Variants in HLA-DQA1 observed in about 807,000 individuals in gnomAD.
HLA-DQA1 encodes the protein major histocompatibility complex, class II, DQ alpha 1.
Under a neutral mutation model 20.7 loss-of-function variants are expected in HLA-DQA1, and 10 were observed. The observed-to-expected ratio is 0.48, with a 90% CI of 0.30 to 0.82. The LOEUF is 0.82. Among genes scored for constraint, HLA-DQA1 ranks in the 40% least tolerant of loss-of-function variants. The probability of loss-of-function intolerance (pLI) is 0.07; values close to 1 mark genes in which losing one functional copy is unlikely to be tolerated. For missense variants in HLA-DQA1, 127 were observed against 293.0 expected (o/e 0.43, Z 4.14); for synonymous variants, 39 against 109.2 (o/e 0.36, Z 4.01).
At chr6:32,646,836 T>A (rs1325644489), downstream of HLA-DQA1, 1 of 56,122 alleles carries the variant, frequency 1.8e-5, no homozygotes, top group African/African-American at 6.3e-5. Flanking sequence ...TTCTACTAGA[T>A]AAACAACTCC....
At chr6:32,652,726 G>A in the HLA-DQA1 span, among the ~76,000 whole-genome samples, 2 of 101,520 alleles carry the variant, frequency 2.0e-5, no homozygotes, top group African/African-American at 6.7e-5. Flanking sequence ...GGAAAGGAAG[G>A]GTAACAATGT....
At chr6:32,648,070 G>C (rs1336092292), downstream of HLA-DQA1, among the ~76,000 whole-genome samples, 1 of 125,424 alleles carries the variant, frequency 8.0e-6, no homozygotes, top group Non-Finnish European at 1.8e-5. Context: ...GGGGCGTTTA[G>C]AGATGGCTTG....
At chr6:32,653,263 TTTG>T in the HLA-DQA1 span, among the ~76,000 whole-genome samples, 2 of 34,798 alleles carry the variant, frequency 5.7e-5, no homozygotes, top group Non-Finnish European at 1.4e-4. Flanking sequence ...TAAATGTATG[TTTG>T]TTGTTGTTGT....
At chr6:32,639,531 A>G (rs1581977319) in intron 1 of HLA-DQA1, 1 of 93,352 alleles carries the variant, frequency 1.1e-5, no homozygotes, top group Non-Finnish European at 2.4e-5. Context: ...TTCAATACAC[A>G]TGTTTGAGCA....
intron 1 of HLA-DQA1, 104 bp from the exon 2 acceptor site, chr6:32,641,205 AT>A (rs1554151048): frequency 1.3e-6 from 1 of 766,718 alleles, no homozygotes; most frequent in Non-Finnish European, 2.0e-6. Flanking sequence ...GTGCCAAAAA[AT>A]GAAGCCCATA....
Position 32,637,827 on chromosome 6 carries a change from A to G in HLA-DQA1, c.82+287A>G, listed in dbSNP as rs74971608. On this transcript the variant is annotated intron_variant, in intron 1 of 4. Coordinates refer to ENST00000343139, the MANE Select transcript of HLA-DQA1 (RefSeq NM_002122.5). The stretch of plus-strand genomic sequence containing the variant: ...TTCCATCATGATTGCCTCAAAAATT[A>G]GTGAGGTTTCCATCAGTGGATAATT... Among the ~76,000 whole-genome samples, 102 of 114,946 alleles carry G rather than the reference A, an allele frequency of 8.9e-4. 1 individual carries two copies. The highest frequency in any genetic ancestry group is 2.0e-3 in the Admixed American group (20 of 10,140). The allele number at this position is 114,946 out of a possible 152,430, so 75.4% of individuals were successfully genotyped here.
At chr6:32,649,374 A>C (rs193007526), downstream of HLA-DQA1, among the ~76,000 whole-genome samples, 1 of 96,904 alleles carries the variant, frequency 1.0e-5, no homozygotes, top group Non-Finnish European at 2.3e-5. Context: ...AAAAAGAACA[A>C]AGCAAAGAAA....
At chr6:32,638,881 C>G (rs28375776) in intron 1 of HLA-DQA1, 74,021 of 302,544 alleles carry the variant, frequency 0.24, 20,464 homozygotes, top group South Asian at 0.36. Context: ...CACCTCTCTT[C>G]ATGCATCCCT....
At chr6:32,648,451 T>C (rs1157072934), downstream of HLA-DQA1, among the ~76,000 whole-genome samples, 1 of 96,860 alleles carries the variant, frequency 1.0e-5, no homozygotes, top group Non-Finnish European at 2.3e-5. Flanking sequence ...GTTGGCTTCA[T>C]CCCTGGGATG....
chr6:32,645,899 A>G (rs1372704568), downstream of HLA-DQA1: 1 of 104,178 alleles, frequency 9.6e-6, no homozygotes, highest in Non-Finnish European at 2.1e-5. Flanking sequence ...TCTGTAATAT[A>G]AGGGGTATAC....
the HLA-DQA1 span, among the ~76,000 whole-genome samples, chr6:32,652,174 C>T: frequency 0.11 from 9,281 of 88,260 alleles, 3,284 homozygotes; most frequent in South Asian, 0.24. Context: ...CCCAGCTACT[C>T]GGGAGACTGA....
At chr6:32,638,840 C>G (rs9272528) in intron 1 of HLA-DQA1, 19,833 of 160,872 alleles carry the variant, frequency 0.12, 2,900 homozygotes, top group East Asian at 0.19. Flanking sequence ...TGGTCTCTTA[C>G]TCTCCTCTGC....
At chr6:32,648,210 T>C (rs1782063241), downstream of HLA-DQA1, among the ~76,000 whole-genome samples, 1 of 97,402 alleles carries the variant, frequency 1.0e-5, no homozygotes, top group African/African-American at 3.5e-5. Flanking sequence ...ACATGAAAAT[T>C]ATTACAGATT....
chr6:32,639,057 A>C (rs9272540), intron 1 of HLA-DQA1: 29,698 of 233,236 alleles, frequency 0.13, 5,444 homozygotes, highest in East Asian at 0.24. Context: ...TGCTCCCATT[A>C]TGATTTTGTT....
the HLA-DQA1 span, among the ~76,000 whole-genome samples, chr6:32,653,856 G>A: frequency 2.4e-5 from 2 of 82,322 alleles, 1 homozygote; most frequent in Non-Finnish European, 5.4e-5. Flanking sequence ...TAAAGAACCT[G>A]GGGGACATTA....
chr6:32,652,279 C>CA, the HLA-DQA1 span, among the ~76,000 whole-genome samples: 8,949 of 41,214 alleles, frequency 0.22, 2,595 homozygotes, highest in African/African-American at 0.33. Context: ...GACTCCATCT[C>CA]AAAAAAAAAA....
the HLA-DQA1 span, among the ~76,000 whole-genome samples, chr6:32,652,745 T>G: frequency 3.4e-5 from 1 of 29,508 alleles, no homozygotes; most frequent in Non-Finnish European, 8.4e-5. Flanking sequence ...GTCAATAACT[T>G]TCATCTTCTA....
rs1256301457 is a variant in HLA-DQA1, at chr6:32,641,903, C to T, written c.332-69C>T. ...TGAAATGCTGGTAGGAGGGCTCTTCCAGGATGTAATGCAGAACTTCAGGGC... is the reference window on the plus strand; with the variant it reads ...TGAAATGCTGGTAGGAGGGCTCTTCTAGGATGTAATGCAGAACTTCAGGGC... On this transcript the variant is annotated intron_variant, in intron 2 of 4. Coordinates refer to ENST00000343139, the MANE Select transcript of HLA-DQA1 (RefSeq NM_002122.5). 4 of 974,646 alleles carry T rather than the reference C, an allele frequency of 4.1e-6. No individual in the cohort carries two copies. In the African/African-American group the frequency reaches 5.8e-5, roughly 14 times the overall value. 60.4% of individuals were successfully genotyped at this position (974,646 alleles called of 1,614,324 possible).
intron 4 of HLA-DQA1, 29 bp downstream of exon 4, chr6:32,642,813 C>G (rs758088558): frequency 9.9e-7 from 1 of 1,011,194 alleles, no homozygotes; most frequent in South Asian, 1.4e-5. Flanking sequence ...ACAGTTGAAG[C>G]GGCAGTATGA....
Sources: allele counts gnomAD v4.1 joint callset (sites outside exome capture counted in the v4.1 genomes callset), GRCh38; gene constraint gnomAD v4.1.1; transcripts MANE v1.5; gene names NCBI Gene and HGNC (gene_info 2026-07-23, HGNC 2026-07-21).